The following GRIN2A variants were observed in gnomAD, a reference collection of about 807,000 sequenced individuals.
GRIN2A encodes glutamate ionotropic receptor NMDA type subunit 2A.
Under a neutral mutation model 113.4 loss-of-function variants are expected in GRIN2A, and 22 were observed. The ratio of observed to expected loss-of-function variants is 0.19; its 90% CI spans 0.14 to 0.28. GRIN2A has a LOEUF of 0.28. Ranked by LOEUF, GRIN2A falls within the 10% of genes least tolerant of loss-of-function variation. GRIN2A has a pLI of 1.00. For synonymous variants in GRIN2A, 827 were observed against 738.4 expected (o/e 1.12, Z -1.94); for missense variants, 1,502 against 1,887.0 (o/e 0.80, Z 3.78).
At chr16:9,823,737 T>C (rs1214961969) in intron 9 of GRIN2A, among the ~76,000 whole-genome samples, 1 of 152,294 alleles carries the variant, frequency 6.6e-6, no homozygotes, top group South Asian at 2.1e-4. Flanking sequence ...AGAGAGGCTA[T>C]GTGATCTATT....
intron 2 of GRIN2A, among the ~76,000 whole-genome samples, chr16:9,971,506 C>G (rs2045669249): frequency 6.6e-6 from 1 of 152,232 alleles, no homozygotes; most frequent in Non-Finnish European, 1.5e-5. Flanking sequence ...AGAGCCCAGT[C>G]AACCCACAGA....
At chr16:10,087,434 C>T (rs1443470276) in intron 2 of GRIN2A, among the ~76,000 whole-genome samples, 1 of 152,194 alleles carries the variant, frequency 6.6e-6, no homozygotes, top group Non-Finnish European at 1.5e-5. Context: ...ACATCCTTCT[C>T]TTTTCCCTCT....
At position 9,764,704 on chromosome 16, in the gene GRIN2A, C is replaced by T. The variant is rs2141136639; in HGVS notation, c.2840G>A (p.Arg947Lys). 2 of 1,614,214 alleles carry T rather than the reference C, an allele frequency of 1.2e-6. No individual in the cohort carries two copies. Among genetic ancestry groups the T allele is most frequent in the Non-Finnish European group, 1.7e-6 (2 of 1,180,032 alleles). The change falls in exon 13 of 13, where the codon AGG becomes AAG. Residue 947 changes from arginine to lysine, a missense_variant. Coordinates refer to ENST00000330684, the MANE Select transcript of GRIN2A (RefSeq NM_001134407.3). The part of the protein sequence containing the change: ...DKGNLMYSDN[R>K]SFQGKESIFG... ...AATGCTCTCTTTCCCCTGAAAGGAC[C>T]TGTTGTCTGAGTACATCAAATTCCC...
intron 2 of GRIN2A, among the ~76,000 whole-genome samples, chr16:10,065,482 C>G (rs1233355411): frequency 2.6e-5 from 4 of 152,166 alleles, no homozygotes; most frequent in Admixed American, 6.5e-5. Flanking sequence ...AGAATTCATC[C>G]TTTCATAAAG....
intron 2 of GRIN2A, among the ~76,000 whole-genome samples, chr16:10,091,759 G>A (rs1320869203): frequency 6.6e-6 from 1 of 152,188 alleles, no homozygotes; most frequent in African/African-American, 2.4e-5. Flanking sequence ...AGTGAAAGAA[G>A]CCAGACTCAA....
intron 4 of GRIN2A, among the ~76,000 whole-genome samples, chr16:9,867,692 G>C (rs911344554): frequency 3.9e-5 from 6 of 152,154 alleles, no homozygotes; most frequent in African/African-American, 1.2e-4. Context: ...GCCCTAGACT[G>C]TCAGGACACT....
intron 2 of GRIN2A, among the ~76,000 whole-genome samples, chr16:10,068,645 T>A (rs112013190): frequency 6.6e-6 from 1 of 152,164 alleles, no homozygotes; most frequent in Non-Finnish European, 1.5e-5. Flanking sequence ...AACGTAAGAT[T>A]TGGGCAAGAC....
intron 2 of GRIN2A, among the ~76,000 whole-genome samples, chr16:10,170,656 G>T (rs1261198599): frequency 6.6e-6 from 1 of 152,080 alleles, no homozygotes; most frequent in African/African-American, 2.4e-5. Flanking sequence ...GAAGAGGATT[G>T]CTTGAGTCCA....
Position 9,822,319 on chromosome 16 carries a change from T to G in GRIN2A, c.2113A>C (p.Met705Leu). The G allele has an allele frequency of 6.2e-7, 1 of 1,612,440 alleles. No individual in the cohort carries two copies. Among genetic ancestry groups the G allele is most frequent in the Non-Finnish European group, 8.5e-7 (1 of 1,178,502 alleles). The change falls in exon 10 of 13, where the codon ATG becomes CTG. Residue 705 changes from methionine to leucine, a missense_variant. By Grantham distance (15) the Met-to-Leu change is conservative. Transcript: ENST00000330684. ...RNNYPYMHQY[M>L]TKFNQKGVED... The stretch of plus-strand genomic sequence containing the variant: ...ACTCCTTTCTGATTAAATTTGGTCA[T>G]GTACTGATGCATGTAGGGATAGTTA...
intron 12 of GRIN2A, among the ~76,000 whole-genome samples, chr16:9,766,277 C>T (rs534730172): frequency 2.6e-5 from 4 of 152,188 alleles, no homozygotes; most frequent in Non-Finnish European, 4.4e-5. Flanking sequence ...AATGGTGGCT[C>T]CATCGGTCCC....
At chr16:10,004,937 T>TGGAAA (rs1306521510) in intron 2 of GRIN2A, among the ~76,000 whole-genome samples, 1 of 152,086 alleles carries the variant, frequency 6.6e-6, no homozygotes, top group Non-Finnish European at 1.5e-5. Flanking sequence ...AGAGTAGAAG[T>TGGAAA]GGAAAGGAAA....
At chr16:10,158,313 T>C (rs1005261675) in intron 2 of GRIN2A, among the ~76,000 whole-genome samples, 1 of 152,212 alleles carries the variant, frequency 6.6e-6, no homozygotes, top group African/African-American at 2.4e-5. Context: ...CATCATTTTA[T>C]TTTAAGATGT....
chr16:9,841,150 T>G, intron 5 of GRIN2A, 46 bp from the exon 6 acceptor site: 8 of 1,489,322 alleles, frequency 5.4e-6, no homozygotes, highest in Non-Finnish European at 7.5e-6. Context: ...CACTGGAAGG[T>G]TTGTTCACAA....
intron 2 of GRIN2A, among the ~76,000 whole-genome samples, chr16:10,074,047 G>A (rs567581468): frequency 3.0e-4 from 46 of 152,148 alleles, no homozygotes; most frequent in African/African-American, 7.9e-4. Context: ...AGGCGACTCC[G>A]TTTTTAAAAA....
At chr16:9,836,123 C>G (rs756267178) in intron 7 of GRIN2A, among the ~76,000 whole-genome samples, 23 of 152,198 alleles carry the variant, frequency 1.5e-4, no homozygotes, top group Admixed American at 3.9e-4. Flanking sequence ...ACTTCATATT[C>G]AAGAATAGAG....
At chr16:9,951,013 T>C (rs916010398) in intron 2 of GRIN2A, among the ~76,000 whole-genome samples, 1 of 152,214 alleles carries the variant, frequency 6.6e-6, no homozygotes, top group African/African-American at 2.4e-5. Context: ...ACCCTTGCTC[T>C]TCACCACTGA....
At chr16:9,830,029 G>T (rs924010994) in intron 8 of GRIN2A, among the ~76,000 whole-genome samples, 1 of 152,182 alleles carries the variant, frequency 6.6e-6, no homozygotes, top group Non-Finnish European at 1.5e-5. Context: ...TGTGCATGGG[G>T]ACTGCTTCCA....
At chr16:10,053,373 C>T (rs1330267194) in intron 2 of GRIN2A, among the ~76,000 whole-genome samples, 1 of 152,170 alleles carries the variant, frequency 6.6e-6, no homozygotes, top group Admixed American at 6.5e-5. Flanking sequence ...CTTGTCTATT[C>T]TTCACAACAA....
At chr16:9,884,145 G>A (rs959920457) in intron 4 of GRIN2A, among the ~76,000 whole-genome samples, 1 of 152,146 alleles carries the variant, frequency 6.6e-6, no homozygotes, top group Non-Finnish European at 1.5e-5. Context: ...AAAACGTCAT[G>A]TGCACTAAAA....
Sources: gnomAD v4.1 joint callset for allele counts (sites outside exome capture counted in the v4.1 genomes callset) on GRCh38, gnomAD v4.1.1 for gene constraint, MANE v1.5 for transcripts, NCBI Gene and HGNC (gene_info 2026-07-23, HGNC 2026-07-21) for gene names.